The following ANKH variants were observed in gnomAD, a reference collection of about 807,000 sequenced individuals.
The protein encoded by ANKH is mineralization regulator ANKH.
ANKH carries 15 observed loss-of-function variants against 49.0 expected under a neutral mutation model. The ratio of observed to expected loss-of-function variants is 0.31; its 90% confidence interval spans 0.20 to 0.47. ANKH has a LOEUF of 0.47. Ranked by LOEUF, ANKH falls within the 20% of genes least tolerant of loss-of-function variation. ANKH has a pLI of 1.00. For missense variants in ANKH, 429 were observed against 652.0 expected (o/e 0.66, Z 3.72); for synonymous variants, 273 against 260.0 (o/e 1.05, Z -0.48).
At chr5:14,764,119 T>C (rs969494172) in intron 2 of ANKH, among the ~76,000 whole-genome samples, 1 of 121,714 alleles carries the variant, frequency 8.2e-6, no homozygotes, top group Admixed American at 8.5e-5. Context: ...GACTGGGATA[T>C]ACTGGTAGCA....
At chr5:14,868,064 T>C (rs1203562977) in intron 1 of ANKH, among the ~76,000 whole-genome samples, 2 of 152,190 alleles carry the variant, frequency 1.3e-5, no homozygotes, top group East Asian at 1.9e-4. Context: ...CAACAGGTAA[T>C]GTTCATGGAG....
intron 8 of ANKH, among the ~76,000 whole-genome samples, chr5:14,723,895 C>A (rs941063669): frequency 6.6e-6 from 1 of 152,208 alleles, no homozygotes; most frequent in Non-Finnish European, 1.5e-5. Flanking sequence ...TAGAAACTAA[C>A]CACCACTGGG....
chr5:14,758,750 T>G, intron 2 of ANKH, 152 bp from the exon 3 acceptor site: 1 of 678,778 alleles, frequency 1.5e-6, no homozygotes, highest in Non-Finnish European at 2.6e-6. Context: ...ATCTACAATC[T>G]CATCCCTCTA....
chr5:14,764,892 A>G (rs1005242326), intron 2 of ANKH, among the ~76,000 whole-genome samples: 4 of 152,236 alleles, frequency 2.6e-5, no homozygotes, highest in African/African-American at 9.6e-5. Context: ...GAACATGGCA[A>G]GGGCCTTACA....
chr5:14,715,212 A>C (rs1296829555), intron 9 of ANKH, among the ~76,000 whole-genome samples: 1 of 151,940 alleles, frequency 6.6e-6, no homozygotes, highest in Non-Finnish European at 1.5e-5. Flanking sequence ...ACTCACTGCA[A>C]TCTCTGCCTC....
intron 1 of ANKH, among the ~76,000 whole-genome samples, chr5:14,828,938 A>G (rs1812658): frequency 0.63 from 95,502 of 152,018 alleles, 30,495 homozygotes; most frequent in East Asian, 0.84. Context: ...TGTAATCCCA[A>G]CACTTTGGGA....
Position 14,797,981 on chromosome 5 carries a change from G to A in ANKH, c.97-28790C>T, listed in dbSNP as rs1740445228. 1.9e-6 allele frequency: 3 copies of A among 1,561,848 alleles called. No homozygotes were observed. In the Admixed American group the frequency reaches 5.0e-5, roughly 26 times the overall value. Reference sequence around the variant, plus strand: ...TATCACTGGAAGGAGTCTTTGTTGTGATGATACAAGGGTTCTGGGGCATAT... The same window carrying A: ...TATCACTGGAAGGAGTCTTTGTTGTAATGATACAAGGGTTCTGGGGCATAT... On this transcript the variant is annotated intron_variant, in intron 1 of 11. Transcript: ENST00000284268.
chr5:14,778,908 CT>C (rs1739720005), intron 1 of ANKH, among the ~76,000 whole-genome samples: 2 of 152,208 alleles, frequency 1.3e-5, no homozygotes, highest in African/African-American at 4.8e-5. Context: ...CCAACGCCCC[CT>C]GCATGCTGTC....
chr5:14,743,659 G>C (rs754251007), intron 7 of ANKH, among the ~76,000 whole-genome samples: 3 of 152,218 alleles, frequency 2.0e-5, no homozygotes, highest in Non-Finnish European at 4.4e-5. Flanking sequence ...GCAAATTCTG[G>C]AAGTCCATAT....
At chr5:14,773,845 A>G (rs890753827) in intron 1 of ANKH, among the ~76,000 whole-genome samples, 3 of 152,220 alleles carry the variant, frequency 2.0e-5, no homozygotes, top group Non-Finnish European at 4.4e-5. Context: ...GAACGAATGA[A>G]TTGGCTATTT....
chr5:14,722,357 C>A (rs1036481399), intron 8 of ANKH, among the ~76,000 whole-genome samples: 1 of 152,168 alleles, frequency 6.6e-6, no homozygotes, highest in African/African-American at 2.4e-5. Flanking sequence ...CAGGACACAG[C>A]CTTCAAAATC....
chr5:14,814,051 T>C (rs1216696154), intron 1 of ANKH, among the ~76,000 whole-genome samples: 1 of 152,188 alleles, frequency 6.6e-6, no homozygotes, highest in Non-Finnish European at 1.5e-5. Context: ...TTCTTCTTAT[T>C]CTTCAAGGTC....
At chr5:14,844,863 A>G (rs1741911672) in intron 1 of ANKH, among the ~76,000 whole-genome samples, 1 of 152,166 alleles carries the variant, frequency 6.6e-6, no homozygotes, top group African/African-American at 2.4e-5. Context: ...TCTTGGTCTC[A>G]GAGAACTCCC....
In ANKH at chr5:14,864,556, G is replaced by A. The variant is rs117054077; in HGVS notation, c.96+6796C>T. 2.4e-4 allele frequency among the ~76,000 whole-genome samples: 37 copies of A among 152,310 alleles called. No individual in the cohort carries two copies. In the East Asian group the frequency reaches 6.2e-3, roughly 25 times the overall value. On this transcript the variant is annotated intron_variant, in intron 1 of 11. Coordinates refer to ENST00000284268, the MANE Select transcript of ANKH (RefSeq NM_054027.6). ...CAGTGTCCTTGACTAAATATGGACTGTAAGAAAGGCATGACCTCATTTTCT... is the reference window on the plus strand; with the variant it reads ...CAGTGTCCTTGACTAAATATGGACTATAAGAAAGGCATGACCTCATTTTCT...
intron 8 of ANKH, among the ~76,000 whole-genome samples, chr5:14,719,569 G>T (rs576532826): frequency 6.6e-6 from 1 of 152,350 alleles, no homozygotes; most frequent in African/African-American, 2.4e-5. Flanking sequence ...TTTACACCAC[G>T]AAGGGAAAAT....
chr5:14,836,249 T>G (rs1741649339), intron 1 of ANKH, among the ~76,000 whole-genome samples: 1 of 152,130 alleles, frequency 6.6e-6, no homozygotes, highest in African/African-American at 2.4e-5. Context: ...TTCAACATAG[T>G]GTTGGAAGTT....
At chr5:14,718,836 C>CT (rs1024732831) in intron 8 of ANKH, among the ~76,000 whole-genome samples, 1 of 145,004 alleles carries the variant, frequency 6.9e-6, no homozygotes, top group Non-Finnish European at 1.5e-5. Flanking sequence ...ACCACCCCCC[C>CT]CCCAAAAAAA....
At chr5:14,868,856 C>G (rs549142918) in intron 1 of ANKH, 1 of 152,098 alleles carries the variant, frequency 6.6e-6, no homozygotes, top group African/African-American at 2.4e-5. Context: ...CCAAGTGCTA[C>G]GATCATAGGC....
Position 14,726,349 on chromosome 5 carries a change from T to C in ANKH, c.1012-9514A>G, listed in dbSNP as rs138881163. Among the ~76,000 whole-genome samples, 829 of 152,238 alleles carry C rather than the reference T, an allele frequency of 5.4e-3. 7 individuals are homozygous for C. Among genetic ancestry groups the C allele is most frequent in the Middle Eastern group, 0.041 (12 of 292 alleles). ...AGTTCACGAAGGGTTTCACAGGTCA[T>C]GGTCACGACTCTGGCTTTCACTCGG... On this transcript the variant is annotated intron_variant, in intron 8 of 11. Coordinates refer to ENST00000284268, the MANE Select transcript of ANKH (RefSeq NM_054027.6).
Sources: gnomAD v4.1 joint callset for allele counts (sites outside exome capture counted in the v4.1 genomes callset) on GRCh38, gnomAD v4.1.1 for gene constraint, MANE v1.5 for transcripts, NCBI Gene and HGNC (gene_info 2026-07-23, HGNC 2026-07-21) for gene names.